The following PHTF1 variants were observed in gnomAD, a reference collection of about 807,000 sequenced individuals.
PHTF1 encodes the protein putative homeodomain transcription factor 1.
In PHTF1, 88 loss-of-function variants were observed where a neutral mutation model predicts 102.4. The observed-to-expected ratio is 0.86, with a 90% CI of 0.72 to 1.03. PHTF1 has a LOEUF of 1.03. Ranked by LOEUF, PHTF1 falls within the 50% of genes least tolerant of loss-of-function variation. PHTF1 has a pLI of 0.00. For missense variants in PHTF1, 814 were observed against 909.5 expected (o/e 0.89, Z 1.35); for synonymous variants, 289 against 305.2 (o/e 0.95, Z 0.55).
At chr1:113,732,261 G>T (rs1159933515) in intron 5 of PHTF1, among the ~76,000 whole-genome samples, 1 of 152,228 alleles carries the variant, frequency 6.6e-6, no homozygotes, top group African/African-American at 2.4e-5. Flanking sequence ...ACTTTGGGAG[G>T]CCGAGGCAGG....
chr1:113,729,233 C>G (rs898421073), intron 5 of PHTF1, among the ~76,000 whole-genome samples: 1 of 152,032 alleles, frequency 6.6e-6, no homozygotes, highest in Non-Finnish European at 1.5e-5. Flanking sequence ...TGACTGAACT[C>G]AAGGAGACAG....
intron 10 of PHTF1, among the ~76,000 whole-genome samples, chr1:113,711,377 T>C (rs1651068651): frequency 6.6e-6 from 1 of 152,214 alleles, no homozygotes; most frequent in Non-Finnish European, 1.5e-5. Context: ...CATGATGAGA[T>C]TTACTACTCC....
rs771000970 is a variant in PHTF1 at position 113,713,417 on chromosome 1, T to C, written c.645A>G (p.Ile215Met). 6.4e-7 allele frequency: 1 copy of C among 1,569,532 alleles called. No homozygotes were observed. Among genetic ancestry groups the C allele is most frequent in the South Asian group, 1.1e-5 (1 of 87,442 alleles). Residue 215 changes from isoleucine to methionine, a missense_variant, in exon 8 of 19, where the codon ATA becomes ATG. Coordinates refer to ENST00000369604, the MANE Select transcript of PHTF1 (RefSeq NM_001323043.2). ...TGTCAGTTTCAGTCCCTTTGTTAGA[T>C]ATTAATTTTACTCTTTTAATCCTAT... ...FGNRIKRVKL[I>M]SNKGTETDND...
In PHTF1 at chr1:113,713,415, G is replaced by T; in HGVS notation, c.647C>A (p.Ser216Tyr). The T allele has an allele frequency of 6.4e-7, 1 of 1,571,384 alleles. No individual in the cohort carries two copies. The highest frequency in any genetic ancestry group is 1.1e-5 in the South Asian group (1 of 87,614). ...ATTGTCAGTTTCAGTCCCTTTGTTA[G>T]ATATTAATTTTACTCTTTTAATCCT... ...GNRIKRVKLI[S>Y]NKGTETDNDP... The change falls in exon 8 of 19, where the codon TCT (serine) becomes TAT (tyrosine). Residue 216 changes from serine (S) to tyrosine (Y), a missense_variant. By Grantham distance (144) the Ser-to-Tyr change is moderately radical. Transcript: ENST00000369604.
intron 3 of PHTF1, among the ~76,000 whole-genome samples, chr1:113,754,367 T>C (rs1288545540): frequency 6.6e-6 from 1 of 151,440 alleles, no homozygotes; most frequent in Non-Finnish European, 1.5e-5. Flanking sequence ...GCTGTGTTCA[T>C]GCCACTGCAC....
intron 3 of PHTF1, among the ~76,000 whole-genome samples, chr1:113,747,871 T>C (rs1657467077): frequency 6.6e-6 from 1 of 152,220 alleles, no homozygotes; most frequent in South Asian, 2.1e-4. Flanking sequence ...GTCTACATGA[T>C]CCGTTTTGAT....
In PHTF1 at chr1:113,745,196, A is replaced by C. The variant is rs1388565695; in HGVS notation, c.103-6397T>G. Among the ~76,000 whole-genome samples, 5 of 152,146 alleles carry C rather than the reference A, an allele frequency of 3.3e-5. 1 individual carries two copies. Among genetic ancestry groups the C allele is most frequent in the Admixed American group, 3.3e-4 (5 of 15,272 alleles). ...GAGAGAGGTAAACTTGTGAGATGAG[A>C]AGAAGCCATAATGTGAAAACTATAA... On this transcript the variant is annotated intron_variant, in intron 3 of 18. Coordinates refer to ENST00000369604, the MANE Select transcript of PHTF1 (RefSeq NM_001323043.2).
chr1:113,720,373 T>C (rs1652730018), intron 7 of PHTF1, among the ~76,000 whole-genome samples: 1 of 152,100 alleles, frequency 6.6e-6, no homozygotes, highest in Admixed American at 6.5e-5. Context: ...TTTTCAGCAT[T>C]AGACAGATCA....
At chr1:113,698,719 T>C (rs1315087638) in intron 17 of PHTF1, among the ~76,000 whole-genome samples, 1 of 151,678 alleles carries the variant, frequency 6.6e-6, no homozygotes, top group East Asian at 1.9e-4. Context: ...GTAACAAAAT[T>C]GGAAATTTTT....
chr1:113,741,065 A>C (rs1656273719), intron 3 of PHTF1, among the ~76,000 whole-genome samples: 1 of 152,202 alleles, frequency 6.6e-6, no homozygotes, highest in South Asian at 2.1e-4. Flanking sequence ...TAATTTGCAC[A>C]TGCTAATTCT....
In PHTF1 at chr1:113,715,648, C is replaced by CAAAAAAAAAAA. The variant is rs60517410; in HGVS notation, c.624-2221_624-2211dup. On this transcript the variant is annotated intron_variant, in intron 7 of 18. Coordinates refer to ENST00000369604, the MANE Select transcript of PHTF1 (RefSeq NM_001323043.2). The stretch of plus-strand genomic sequence containing the variant: ...GAGCAATGACAGTGAAACCCTGTCT[C>CAAAAAAAAAAA]AAAAAAAAAAAAAAAAAAAAAAAAA... Among the ~76,000 whole-genome samples the CAAAAAAAAAAA allele has an allele frequency of 3.0e-3, 75 of 24,980 alleles. 17 individuals carry two copies. The highest frequency in any genetic ancestry group is 4.9e-3 in the Non-Finnish European group (62 of 12,694). The allele number at this position is 24,980 out of a possible 152,430, so 16.4% of individuals were successfully genotyped here.
chr1:113,706,720 A>C lies in PHTF1; in HGVS notation c.1272T>G (p.Asn424Lys). Reference protein sequence around the residue: ...RDPKEDVFQQNHLFWLQNSSP... With the variant: ...RDPKEDVFQQKHLFWLQNSSP... ...TTGAATTCTGAAGCCAGAATAAATG[A>C]TTCTGAGAAGAAAAATATAAAATTG... The change falls in exon 12 of 19, where the codon AAT becomes AAG. Residue 424 changes from asparagine to lysine, a missense_variant and splice_region_variant. Transcript: ENST00000369604. The C allele has an allele frequency of 6.3e-7, 1 of 1,598,286 alleles. No homozygotes were observed. The highest frequency in any genetic ancestry group is 8.5e-7 in the Non-Finnish European group (1 of 1,173,078).
chr1:113,745,623 T>C (rs1394318859), intron 3 of PHTF1, among the ~76,000 whole-genome samples: 2 of 152,126 alleles, frequency 1.3e-5, no homozygotes, highest in Non-Finnish European at 2.9e-5. Flanking sequence ...TCCCCACTGC[T>C]CAAATTACCA....
At chr1:113,698,614 T>TACAC (rs1487912339) in intron 17 of PHTF1, among the ~76,000 whole-genome samples, 15 of 86,290 alleles carry the variant, frequency 1.7e-4, no homozygotes, top group African/African-American at 6.9e-4. Flanking sequence ...GTTTTATATA[T>TACAC]ATATATACAC....
chr1:113,738,645 A>G, intron 4 of PHTF1, 85 bp downstream of exon 4: 1 of 809,676 alleles, frequency 1.2e-6, no homozygotes, highest in Non-Finnish European at 2.0e-6. Context: ...ATTAAAGTAT[A>G]CCATCATATA....
intron 3 of PHTF1, among the ~76,000 whole-genome samples, chr1:113,740,772 A>G (rs941492933): frequency 5.3e-5 from 8 of 152,102 alleles, no homozygotes; most frequent in African/African-American, 1.9e-4. Flanking sequence ...GCTCACCCCT[A>G]TAATCCCAGC....
intron 16 of PHTF1, 58 bp from the exon 17 acceptor site, chr1:113,699,857 T>C (rs557842026): frequency 1.3e-6 from 1 of 742,268 alleles, no homozygotes; most frequent in South Asian, 1.7e-5. Context: ...ATATACTGCA[T>C]AAAATCTGGC....
chr1:113,754,384 T>C (rs953119392), intron 3 of PHTF1, among the ~76,000 whole-genome samples: 1 of 151,814 alleles, frequency 6.6e-6, no homozygotes, highest in Non-Finnish European at 1.5e-5. Flanking sequence ...GCACTCCAAC[T>C]TGGGCAACAG....
rs756402826 is a variant in PHTF1 at position 113,757,772 on chromosome 1, T to C, written c.46-17A>G. Reference sequence around the variant, plus strand: ...GGCTCCAATCTGAAAGAGGGAGTAGTCTATTAGTTAAACGATGCAAAGGAA... The same window carrying C: ...GGCTCCAATCTGAAAGAGGGAGTAGCCTATTAGTTAAACGATGCAAAGGAA... On this transcript the variant is annotated splice_polypyrimidine_tract_variant and intron_variant, in intron 2 of 18. Coordinates refer to ENST00000369604, the MANE Select transcript of PHTF1 (RefSeq NM_001323043.2). The C allele has an allele frequency of 6.5e-7, 1 of 1,545,598 alleles. No individual in the cohort carries two copies.
Sources: allele counts gnomAD v4.1 joint callset (sites outside exome capture counted in the v4.1 genomes callset), GRCh38; gene constraint gnomAD v4.1.1; transcripts MANE v1.5; gene names NCBI Gene and HGNC (gene_info 2026-07-23, HGNC 2026-07-21).